ASPRV1: variants seen among roughly 807,000 people sequenced by gnomAD.
The protein encoded by ASPRV1 is retroviral-like aspartic protease 1.
ASPRV1 carries 7 observed loss-of-function variants against 11.0 expected under a neutral mutation model. The ratio of observed to expected loss-of-function variants is 0.64; its 90% CI spans 0.36 to 1.20. The LOEUF is 1.20. Ranked by LOEUF, ASPRV1 falls within the 50% of genes most tolerant of loss-of-function variation. ASPRV1 has a pLI of 0.02. For synonymous variants in ASPRV1, 136 were observed against 138.4 expected (o/e 0.98, Z 0.12); for missense variants, 299 against 320.0 (o/e 0.93, Z 0.50).
the ASPRV1 span, among the ~76,000 whole-genome samples, chr2:70,009,329 TATTTA>T: frequency 6.6e-6 from 1 of 151,602 alleles, no homozygotes. Context: ...TTTATTTATT[TATTTA>T]TTTATTTATT....
the ASPRV1 span, among the ~76,000 whole-genome samples, chr2:69,953,186 C>G: frequency 2.6e-5 from 4 of 152,240 alleles, no homozygotes; most frequent in Non-Finnish European, 5.9e-5. Flanking sequence ...TCTTCTGTAC[C>G]TGCCTAAACC....
chr2:70,067,419 C>T, the ASPRV1 span, among the ~76,000 whole-genome samples: 1 of 152,178 alleles, frequency 6.6e-6, no homozygotes, highest in East Asian at 1.9e-4. Flanking sequence ...TGGGAATCAT[C>T]CACGTGTAGA....
At chr2:69,953,539 T>C in the ASPRV1 span, among the ~76,000 whole-genome samples, 1,539 of 152,324 alleles carry the variant, frequency 0.01, 30 homozygotes, top group African/African-American at 0.036. Context: ...GACTGGGCAG[T>C]TACGACCTGC....
chr2:70,020,709 T>C, the ASPRV1 span, among the ~76,000 whole-genome samples: 1 of 152,164 alleles, frequency 6.6e-6, no homozygotes, highest in Non-Finnish European at 1.5e-5. Flanking sequence ...GCCATTGCAC[T>C]CCAGCCTGGG....
chr2:69,959,053 G>C (rs1318234696), downstream of ASPRV1, among the ~76,000 whole-genome samples: 2 of 152,134 alleles, frequency 1.3e-5, no homozygotes, highest in Admixed American at 1.3e-4. Context: ...TGGAATCGGA[G>C]GGAAGAAGGG....
the ASPRV1 span, among the ~76,000 whole-genome samples, chr2:69,985,058 G>C: frequency 3.3e-5 from 5 of 152,034 alleles, no homozygotes; most frequent in African/African-American, 9.7e-5. Context: ...GGGTTTCACT[G>C]TGTTAGCCAG....
chr2:70,007,761 G>A, the ASPRV1 span, among the ~76,000 whole-genome samples: 1 of 152,122 alleles, frequency 6.6e-6, no homozygotes, highest in African/African-American at 2.4e-5. Context: ...TATCTAGGGA[G>A]TGGGACTGGA....
At chr2:69,978,829 G>T in the ASPRV1 span, among the ~76,000 whole-genome samples, 2 of 152,184 alleles carry the variant, frequency 1.3e-5, no homozygotes. Context: ...ACTCCCAGAC[G>T]ATGGGTGACT....
chr2:70,025,623 T>C, the ASPRV1 span, among the ~76,000 whole-genome samples: 1 of 152,314 alleles, frequency 6.6e-6, no homozygotes, highest in African/African-American at 2.4e-5. Flanking sequence ...CCTGGACTGA[T>C]GCTAGCCCTT....
chr2:69,948,969 G>A, the ASPRV1 span, among the ~76,000 whole-genome samples: 5 of 151,900 alleles, frequency 3.3e-5, no homozygotes, highest in East Asian at 2.0e-4. Context: ...GGCACCTCGC[G>A]GCGGACTGCG....
chr2:70,025,442 G>C, the ASPRV1 span, among the ~76,000 whole-genome samples: 1 of 152,070 alleles, frequency 6.6e-6, no homozygotes, highest in Admixed American at 6.6e-5. Flanking sequence ...GGAGGAGGAG[G>C]AAGAGAAGGG....
the ASPRV1 span, among the ~76,000 whole-genome samples, chr2:69,980,357 T>C: frequency 6.6e-6 from 1 of 152,208 alleles, no homozygotes; most frequent in Non-Finnish European, 1.5e-5. Context: ...TAAAGCCACA[T>C]TGTTATTATT....
the ASPRV1 span, among the ~76,000 whole-genome samples, chr2:69,982,940 A>G: frequency 6.6e-6 from 1 of 151,868 alleles, no homozygotes; most frequent in African/African-American, 2.4e-5. Flanking sequence ...TTTTTTTGAG[A>G]TGGAGTCTTG....
chr2:70,082,021 A>G, the ASPRV1 span, among the ~76,000 whole-genome samples: 1 of 151,960 alleles, frequency 6.6e-6, no homozygotes, highest in Non-Finnish European at 1.5e-5. Context: ...TCTGTCTCCC[A>G]GGCTGGAGTA....
chr2:70,045,152 T>G, the ASPRV1 span: 2 of 152,190 alleles, frequency 1.3e-5, no homozygotes, highest in African/African-American at 4.8e-5. Context: ...TGGCATCTCA[T>G]CACCCTTCTT....
Position 69,961,138 on chromosome 2 carries a change from T to C in ASPRV1, c.299A>G (p.Lys100Arg). 1 of 1,613,890 alleles carries C rather than the reference T, an allele frequency of 6.2e-7. No individual in the cohort carries two copies. The highest frequency in any genetic ancestry group is 8.5e-7 in the Non-Finnish European group (1 of 1,179,864). ...CATGCTGTTGGCAAAGACGATCTCT[T>C]TGGGCAGGTGGCTGGGGGCAGCCCC... is the stretch of plus-strand genomic sequence containing the variant. ...VPGAAPSHLP[K>R]EIVFANSMGK... is the part of the protein sequence containing the mutation. The change falls in exon 1 of 1, where the codon AAA becomes AGA. Residue 100 changes from lysine to arginine, a missense_variant. Transcript: ENST00000320256.
chr2:70,019,479 T>C, the ASPRV1 span, among the ~76,000 whole-genome samples: 1 of 152,176 alleles, frequency 6.6e-6, no homozygotes, highest in East Asian at 1.9e-4. Context: ...CATTACAGCA[T>C]TATTCACAAT....
chr2:69,942,555 TTCTC>T, the ASPRV1 span: 6 of 152,220 alleles, frequency 3.9e-5, no homozygotes, highest in African/African-American at 1.4e-4. Flanking sequence ...TTTTGATTTC[TTCTC>T]TCTGTGGGGT....
At chr2:70,065,664 T>A in the ASPRV1 span, among the ~76,000 whole-genome samples, 8 of 150,294 alleles carry the variant, frequency 5.3e-5, no homozygotes, top group African/African-American at 1.2e-4. Flanking sequence ...CTACAAAAAA[T>A]TTTTTTAAAA....
Sources: gnomAD v4.1 joint callset for allele counts (sites outside exome capture counted in the v4.1 genomes callset) on GRCh38, gnomAD v4.1.1 for gene constraint, MANE v1.5 for transcripts, NCBI Gene and HGNC (gene_info 2026-07-23, HGNC 2026-07-21) for gene names.